The following PCDH17 variants were observed in gnomAD, a reference collection of about 807,000 sequenced individuals.
PCDH17 encodes protocadherin 17.
A neutral mutation model predicts 67.7 loss-of-function variants in PCDH17; 21 were observed. The observed-to-expected ratio is 0.31, with a 90% confidence interval of 0.22 to 0.45. PCDH17 has a LOEUF of 0.45. PCDH17 is among the 20% of genes least tolerant of loss of function. The probability of loss-of-function intolerance (pLI) is 1.00; values close to 1 mark genes in which losing one functional copy is unlikely to be tolerated. For missense variants in PCDH17, 1,471 were observed against 1,564.8 expected, an observed-to-expected ratio of 0.94 and a Z score of 1.01; for synonymous variants, 701 against 656.7, an observed-to-expected ratio of 1.07 and a Z score of -1.03.
intron 3 of PCDH17, among the ~76,000 whole-genome samples, chr13:57,713,334 A>C (rs918952769): frequency 6.6e-6 from 1 of 151,746 alleles, no homozygotes; most frequent in East Asian, 1.9e-4. Context: ...TATTCTTGGG[A>C]TGAACCAATT....
intron 3 of PCDH17, among the ~76,000 whole-genome samples, chr13:57,722,116 G>A (rs1955876755): frequency 6.6e-6 from 1 of 152,110 alleles, no homozygotes; most frequent in East Asian, 1.9e-4. Context: ...TGACATAAAG[G>A]AGTTAAGTAA....
intron 3 of PCDH17, among the ~76,000 whole-genome samples, chr13:57,688,335 A>T (rs1455385543): frequency 1.3e-5 from 2 of 151,882 alleles, no homozygotes; most frequent in Non-Finnish European, 2.9e-5. Context: ...AATATAAAAA[A>T]CTTTGGGAAA....
At chr13:57,656,378 A>G (rs1366113374) in intron 1 of PCDH17, among the ~76,000 whole-genome samples, 2 of 152,164 alleles carry the variant, frequency 1.3e-5, no homozygotes, top group Non-Finnish European at 2.9e-5. Context: ...ATTTAATTAT[A>G]TCTAATTTTA....
At position 57,634,045 on chromosome 13, in the gene PCDH17, A is replaced by T; in HGVS notation, c.1499A>T (p.Asp500Val). Reference sequence around the variant, plus strand: ...GGCTCTGTGCTCGCCCAGGATCCCGACCTGGGCCAGAACGGCACCGTATCC... The same window carrying T: ...GGCTCTGTGCTCGCCCAGGATCCCGTCCTGGGCCAGAACGGCACCGTATCC... ...YLGSVLAQDP[D>V]LGQNGTVSYS... The change falls in exon 1 of 4, where the codon GAC becomes GTC. Residue 500 changes from aspartate (D) to valine (V), a missense_variant. Asp to Val is a radical substitution (Grantham distance 152). Coordinates refer to ENST00000377918, the MANE Select transcript of PCDH17 (RefSeq NM_001040429.3). The surrounding 1 kb of genome is among the most constrained non-coding windows in gnomAD (Gnocchi z 7.8). The T allele has an allele frequency of 6.2e-7, 1 of 1,613,358 alleles. No individual in the cohort carries two copies. The highest frequency in any genetic ancestry group is 8.5e-7 in the Non-Finnish European group (1 of 1,180,004).
intron 3 of PCDH17, among the ~76,000 whole-genome samples, chr13:57,687,885 C>T (rs1268886054): frequency 6.6e-6 from 1 of 151,998 alleles, no homozygotes; most frequent in African/African-American, 2.4e-5. Flanking sequence ...TAAGTCCTCA[C>T]ACGTGGCAGA....
intron 3 of PCDH17, among the ~76,000 whole-genome samples, chr13:57,677,795 C>T (rs182610000): frequency 4.6e-5 from 7 of 151,832 alleles, no homozygotes; most frequent in Admixed American, 2.6e-4. Flanking sequence ...TATATCGTGG[C>T]ACAGAAACTC....
intron 3 of PCDH17, among the ~76,000 whole-genome samples, chr13:57,688,943 T>C (rs1955531980): frequency 2.6e-5 from 4 of 152,026 alleles, no homozygotes; most frequent in Admixed American, 2.6e-4. Flanking sequence ...CATTGTAGCA[T>C]TGGCATCCGT....
chr13:57,716,122 C>A (rs1459001307), intron 3 of PCDH17, among the ~76,000 whole-genome samples: 1 of 151,852 alleles, frequency 6.6e-6, no homozygotes, highest in African/African-American at 2.4e-5. Context: ...CTCTAGATAT[C>A]CCTTTTTAGA....
chr13:57,683,537 C>T (rs534406657), intron 3 of PCDH17, among the ~76,000 whole-genome samples: 1 of 151,916 alleles, frequency 6.6e-6, no homozygotes, highest in South Asian at 2.1e-4. Context: ...TTGCCTTTAA[C>T]TGATATTGTA....
intron 1 of PCDH17, among the ~76,000 whole-genome samples, chr13:57,647,825 G>A (rs2137994710): frequency 6.6e-6 from 1 of 151,774 alleles, no homozygotes; most frequent in South Asian, 2.1e-4. Context: ...AGATATAGTC[G>A]AGATAAAATT....
intron 3 of PCDH17, among the ~76,000 whole-genome samples, chr13:57,672,387 G>T (rs529797099): frequency 1.3e-5 from 2 of 151,972 alleles, no homozygotes; most frequent in South Asian, 2.1e-4. Context: ...AGGTAAGGGT[G>T]GGGGAGGCTC....
chr13:57,728,122 G>A lies in PCDH17; in HGVS notation c.*2828G>A, dbSNP rs1201496341. The A allele has an allele frequency of 6.6e-6, 1 of 152,498 alleles. No homozygotes were observed. Among genetic ancestry groups the A allele is most frequent in the Non-Finnish European group, 1.5e-5 (1 of 67,972 alleles). 9.4% of individuals were successfully genotyped at this position (152,498 alleles called of 1,614,324 possible). On this transcript the variant is annotated 3_prime_UTR_variant, in exon 4 of 4. Coordinates refer to ENST00000377918, the MANE Select transcript of PCDH17 (RefSeq NM_001040429.3). The stretch of plus-strand genomic sequence containing the variant: ...CAAGTTGGTGGTAATTCAGCAGTCA[G>A]GACTCTAAGCTTTTATAGTTGAATT...
intron 1 of PCDH17, among the ~76,000 whole-genome samples, chr13:57,650,012 G>T (rs1046902759): frequency 9.9e-5 from 15 of 152,064 alleles, no homozygotes; most frequent in Non-Finnish European, 2.1e-4. Flanking sequence ...TCAGAAAAGA[G>T]AACAACTTTT....
chr13:57,653,355 A>G (rs1023642757), intron 1 of PCDH17, among the ~76,000 whole-genome samples: 6 of 152,122 alleles, frequency 3.9e-5, no homozygotes, highest in African/African-American at 1.4e-4. Flanking sequence ...GGGAGTGTTA[A>G]TTAGAATGAG....
intron 1 of PCDH17, among the ~76,000 whole-genome samples, chr13:57,645,885 T>C (rs1222827841): frequency 6.6e-6 from 1 of 151,368 alleles, no homozygotes; most frequent in Non-Finnish European, 1.5e-5. Context: ...CCTCAGTCAG[T>C]TATTAAGAAA....
In PCDH17 at chr13:57,634,991, T is replaced by C. The variant is rs1337717167; in HGVS notation, c.2445T>C (p.Tyr815=). 2 of 1,613,694 alleles carry C rather than the reference T, an allele frequency of 1.2e-6. No individual in the cohort carries two copies. The highest frequency in any genetic ancestry group is 1.3e-5 in the African/African-American group (1 of 74,972). Residue 815 remains tyrosine (Y), a synonymous_variant, in exon 1 of 4, where the codon TAT becomes TAC. Transcript: ENST00000377918. The surrounding 1 kb of genome is among the most constrained non-coding windows in gnomAD (Gnocchi z 7.8). ...GCTCGCCCCGGTCGGAGGTGATGTA[T>C]CTCAAACCGGCCTCCAACAACCTGA... ...PLSSPRSEVM[Y]LKPASNNLTV...
intron 3 of PCDH17, among the ~76,000 whole-genome samples, chr13:57,692,389 A>T (rs931680219): frequency 6.6e-6 from 1 of 151,244 alleles, no homozygotes; most frequent in Admixed American, 6.6e-5. Context: ...TAAATATTGT[A>T]ATTTGTTTGA....
chr13:57,639,601 G>C (rs1405671357), intron 1 of PCDH17, among the ~76,000 whole-genome samples: 1 of 151,828 alleles, frequency 6.6e-6, no homozygotes, highest in Non-Finnish European at 1.5e-5. Flanking sequence ...CAAAATGCAA[G>C]CTAGGTAATA....
In PCDH17 at chr13:57,634,032, G is replaced by T; in HGVS notation, c.1486G>T (p.Ala496Ser). The change falls in exon 1 of 4, where the codon GCC becomes TCC. Residue 496 changes from alanine (A) to serine (S), a missense_variant. By Grantham distance (99) the Ala-to-Ser change is moderately conservative (BLOSUM62 1). Coordinates refer to ENST00000377918, the MANE Select transcript of PCDH17 (RefSeq NM_001040429.3). The surrounding 1 kb of genome is among the most constrained non-coding windows in gnomAD (Gnocchi z 7.8). ...GGGAGAGTACCTGGGCTCTGTGCTC[G>T]CCCAGGATCCCGACCTGGGCCAGAA... ...IPGEYLGSVL[A>S]QDPDLGQNGT... The T allele has an allele frequency of 1.2e-6, 2 of 1,613,358 alleles. No individual in the cohort carries two copies. Among genetic ancestry groups the T allele is most frequent in the Non-Finnish European group, 1.7e-6 (2 of 1,180,024 alleles).
Sources: gnomAD v4.1 joint callset for allele counts (sites outside exome capture counted in the v4.1 genomes callset) on GRCh38, gnomAD v4.1.1 for gene constraint, Gnocchi (gnomAD v3.1) non-coding constraint, MANE v1.5 for transcripts, NCBI Gene and HGNC (gene_info 2026-07-23, HGNC 2026-07-21) for gene names.